The following SOS1 variants were observed in gnomAD, a reference collection of about 807,000 sequenced individuals.
The protein encoded by SOS1 is SOS Ras/Rac guanine nucleotide exchange factor 1, also known as son of sevenless homolog 1.
Under a neutral mutation model 157.6 loss-of-function variants are expected in SOS1, and 25 were observed. The observed-to-expected ratio is 0.16, with a 90% CI of 0.12 to 0.22. The LOEUF is 0.22. SOS1 is among the 10% of genes least tolerant of loss of function. The pLI, the probability that SOS1 is intolerant of heterozygous loss-of-function variation, is 1.00. For missense variants in SOS1, 1,237 were observed against 1,599.1 expected (o/e 0.77, Z 3.86); for synonymous variants, 528 against 534.0 (o/e 0.99, Z 0.16).
intron 6 of SOS1, among the ~76,000 whole-genome samples, chr2:39,045,067 G>A (rs1670714956): frequency 6.6e-6 from 1 of 152,046 alleles, no homozygotes; most frequent in African/African-American, 2.4e-5. Context: ...ATTGTTTAGG[G>A]TATTGTAATG....
intron 2 of SOS1, among the ~76,000 whole-genome samples, chr2:39,064,399 A>G (rs1408786293): frequency 5.9e-5 from 9 of 152,216 alleles, no homozygotes; most frequent in Non-Finnish European, 1.2e-4. Context: ...CATTTGGACC[A>G]TAGCAAATGG....
intron 8 of SOS1, among the ~76,000 whole-genome samples, chr2:39,029,707 CTGTT>C (rs2124550905): frequency 1.3e-5 from 2 of 152,252 alleles, no homozygotes; most frequent in Admixed American, 1.3e-4. Flanking sequence ...CAATAGTTAG[CTGTT>C]TGTTTACAAT....
At chr2:39,047,762 C>A (rs2124589889) in intron 6 of SOS1, among the ~76,000 whole-genome samples, 1 of 152,308 alleles carries the variant, frequency 6.6e-6, no homozygotes, top group African/African-American at 2.4e-5. Context: ...CCTCTATCTC[C>A]CAAGTTCAAG....
chr2:39,070,867 G>A (rs897826114), intron 1 of SOS1, among the ~76,000 whole-genome samples: 1 of 151,992 alleles, frequency 6.6e-6, no homozygotes, highest in African/African-American at 2.4e-5. Context: ...TCTATTTATT[G>A]TATTTGTTTA....
Position 39,120,340 on chromosome 2 carries a change from T to C in SOS1, c.83A>G (p.Lys28Arg), listed in dbSNP as rs1057517867. 6.3e-7 allele frequency: 1 copy of C among 1,584,076 alleles called. No homozygotes were observed. Among genetic ancestry groups the C allele is most frequent in the Non-Finnish European group, 8.6e-7 (1 of 1,165,730 alleles). The change falls in exon 1 of 23, where the codon AAA (lysine) becomes AGA (arginine). Residue 28 changes from lysine to arginine, a missense_variant. Physicochemically the swap from Lys to Arg is conservative, Grantham distance 26. This residue lies in a region of SOS1 where 99 missense variants were observed against 81.6 expected (regional missense o/e 1.21). Coordinates refer to ENST00000402219, the MANE Select transcript of SOS1 (RefSeq NM_005633.4). ...KWRGLLVPAL[K>R]KVQGQVHPTL... The stretch of plus-strand genomic sequence containing the variant: ...GGGGTCCCGCGTGCTCCTCACCTTT[T>C]TCAGCGCAGGCACCAGTAGTCCCCG...
chr2:39,100,162 G>C (rs1672912130), intron 1 of SOS1, among the ~76,000 whole-genome samples: 1 of 152,190 alleles, frequency 6.6e-6, no homozygotes, highest in African/African-American at 2.4e-5. Flanking sequence ...TTTGGTAAGA[G>C]ATAACAAGTG....
intron 1 of SOS1, among the ~76,000 whole-genome samples, chr2:39,081,028 A>C (rs1009366540): frequency 1.3e-5 from 2 of 151,936 alleles, no homozygotes; most frequent in South Asian, 4.2e-4. Flanking sequence ...TCTCCAAAAA[A>C]AAAATAATAA....
chr2:39,038,941 C>G (rs1401623708), intron 6 of SOS1, among the ~76,000 whole-genome samples: 1 of 151,934 alleles, frequency 6.6e-6, no homozygotes, highest in Non-Finnish European at 1.5e-5. Context: ...ACACAGAAAT[C>G]TTTCATAAAA....
At chr2:39,044,864 G>GCGCACACACACACACACA (rs147443441) in intron 6 of SOS1, among the ~76,000 whole-genome samples, 3 of 147,760 alleles carry the variant, frequency 2.0e-5, no homozygotes, top group South Asian at 2.2e-4. Flanking sequence ...GCGCGCGCGC[G>GCGCACACACACACACACA]CACACACACA....
intron 1 of SOS1, among the ~76,000 whole-genome samples, chr2:39,104,281 TCAAA>T (rs150019105): frequency 0.038 from 5,759 of 152,126 alleles, 327 homozygotes; most frequent in African/African-American, 0.12. Flanking sequence ...AGACTTCATC[TCAAA>T]TAAATAAATA....
chr2:39,018,735 C>A (rs1000781095), intron 10 of SOS1, among the ~76,000 whole-genome samples: 2 of 151,594 alleles, frequency 1.3e-5, no homozygotes, highest in African/African-American at 4.8e-5. Flanking sequence ...ACCACCCCAC[C>A]CCCAACCACC....
chr2:38,997,260 T>C lies in SOS1; in HGVS notation c.2957A>G (p.Asp986Gly). The C allele has an allele frequency of 6.2e-7, 1 of 1,607,162 alleles. No individual in the cohort carries two copies. The highest frequency in any genetic ancestry group is 8.5e-7 in the Non-Finnish European group (1 of 1,174,232). The change falls in exon 18 of 23, where the codon GAT (aspartate) becomes GGT (glycine). Residue 986 changes from aspartate (D) to glycine (G), a missense_variant. Transcript: ENST00000402219. ...TTAAATAATTCAACTTACTTTGATATCTGATTCTACTCGTAAACAGTAAGG... is the reference window on the plus strand; with the variant it reads ...TTAAATAATTCAACTTACTTTGATACCTGATTCTACTCGTAAACAGTAAGG... ...NQPYCLRVES[D>G]IKRFFENLNP... is the part of the protein sequence containing the mutation.
intron 1 of SOS1, among the ~76,000 whole-genome samples, chr2:39,101,243 C>T (rs1162299921): frequency 1.3e-5 from 2 of 152,074 alleles, no homozygotes; most frequent in Admixed American, 1.3e-4. Context: ...AGCAGGAATT[C>T]ACACATTACC....
intron 1 of SOS1, among the ~76,000 whole-genome samples, chr2:39,100,837 T>C (rs932898283): frequency 2.0e-5 from 3 of 152,146 alleles, no homozygotes; most frequent in African/African-American, 7.2e-5. Flanking sequence ...GAGGATCACT[T>C]AAGCCCAGGA....
intron 1 of SOS1, among the ~76,000 whole-genome samples, chr2:39,089,601 C>A (rs1672509672): frequency 6.7e-6 from 1 of 149,852 alleles, no homozygotes; most frequent in African/African-American, 2.5e-5. Flanking sequence ...AACGCTGCAA[C>A]AATTTACACA....
At chr2:38,990,029 G>C (rs907843461) in intron 20 of SOS1, among the ~76,000 whole-genome samples, 4 of 152,030 alleles carry the variant, frequency 2.6e-5, no homozygotes, top group African/African-American at 4.8e-5. Context: ...AAAGCTAGGT[G>C]ATCTATACTG....
Position 39,083,050 on chromosome 2 carries a change from T to G in SOS1, c.88-15297A>C, listed in dbSNP as rs74419513. On this transcript the variant is annotated intron_variant, in intron 1 of 22. Coordinates refer to ENST00000402219, the MANE Select transcript of SOS1 (RefSeq NM_005633.4). ...GTTATCTCAGCAGACGTAGATAAAA[T>G]TGGTTTTTGTTTATATAAATAGGCA... is the stretch of plus-strand genomic sequence containing the variant. Among the ~76,000 whole-genome samples the G allele has an allele frequency of 6.5e-4, 99 of 152,316 alleles. 1 individual carries two copies. In the East Asian group the frequency reaches 0.014, roughly 22 times the overall value.
chr2:39,103,654 A>G (rs1201972620), intron 1 of SOS1, among the ~76,000 whole-genome samples: 2 of 152,226 alleles, frequency 1.3e-5, no homozygotes, highest in African/African-American at 2.4e-5. Context: ...AAATATATCA[A>G]TGACCTAAAT....
At chr2:39,013,413 G>T (rs779391483) in intron 13 of SOS1, 47 bp downstream of exon 13, 4 of 1,034,384 alleles carry the variant, frequency 3.9e-6, no homozygotes, top group Non-Finnish European at 4.6e-6. Context: ...CACCGTGTTG[G>T]TACTTTTATT....
Sources: allele counts gnomAD v4.1 joint callset (sites outside exome capture counted in the v4.1 genomes callset), GRCh38; gene constraint gnomAD v4.1.1; regional missense constraint gnomAD v4.1.1; transcripts MANE v1.5; gene names NCBI Gene and HGNC (gene_info 2026-07-23, HGNC 2026-07-21).